The following KCNJ5 variants were observed in gnomAD, a reference collection of about 807,000 sequenced individuals.
The protein encoded by KCNJ5 is potassium inwardly rectifying channel subfamily J member 5, also known as G protein-activated inward rectifier potassium channel 4.
In KCNJ5, 12 loss-of-function variants were observed where a neutral mutation model predicts 20.2. The observed-to-expected ratio is 0.59, with a 90% CI of 0.38 to 0.96. KCNJ5 has a LOEUF of 0.96. Ranked by LOEUF, KCNJ5 falls within the 40% of genes least tolerant of loss-of-function variation. The pLI, the probability that KCNJ5 is intolerant of heterozygous loss-of-function variation, is 0.00. For missense variants in KCNJ5, 449 were observed against 557.6 expected (o/e 0.81, Z 1.96); for synonymous variants, 210 against 213.9 (o/e 0.98, Z 0.16).
chr11:128,902,328 C>T (rs556799288), intron 1 of KCNJ5: 101 of 604,360 alleles, frequency 1.7e-4, no homozygotes, highest in South Asian at 1.4e-3. Flanking sequence ...AAGGACTCAG[C>T]GCTTGCAGTC....
In KCNJ5 at chr11:128,903,454, G is replaced by A. The variant is rs1944328857; in HGVS notation, c.-10-7810G>A. 4 of 1,614,046 alleles carry A rather than the reference G, an allele frequency of 2.5e-6. No individual in the cohort carries two copies. In the East Asian group the frequency reaches 8.9e-5, roughly 36 times the overall value. ...TACTATGGCATGCACATCCTGCCCA[G>A]CTGAGAAATTCCAGAGTGAGGAGGT... On this transcript the variant is annotated intron_variant, in intron 1 of 2. Transcript: ENST00000529694.
intron 2 of KCNJ5, 95 bp from the exon 3 acceptor site, chr11:128,916,290 CTGGATGGATGGATGGATGGATAGA>C: frequency 2.5e-6 from 1 of 400,794 alleles, no homozygotes; most frequent in Non-Finnish European, 4.0e-6. Context: ...GAACAGATGA[CTGGATGGATGGATGGATGGATAGA>C]TGGATGGATG....
At chr11:128,902,692 A>C (rs1326879270) in intron 1 of KCNJ5, 1 of 1,612,064 alleles carries the variant, frequency 6.2e-7, no homozygotes, top group South Asian at 1.1e-5. Flanking sequence ...CTGAGGACTG[A>C]CAGGTAATGT....
chr11:128,909,451 G>A (rs547527273), intron 1 of KCNJ5, among the ~76,000 whole-genome samples: 5 of 152,250 alleles, frequency 3.3e-5, no homozygotes, highest in Non-Finnish European at 5.9e-5. Context: ...CATGTAGAGC[G>A]CTGCACTGGT....
At chr11:128,915,120 C>G (rs1591452882) in intron 2 of KCNJ5, among the ~76,000 whole-genome samples, 2 of 152,348 alleles carry the variant, frequency 1.3e-5, no homozygotes, top group East Asian at 3.9e-4. Flanking sequence ...GAGACGGTTG[C>G]CTTCAGCACC....
Position 128,917,405 on chromosome 11 carries a change from A to C in KCNJ5, c.*674A>C, listed in dbSNP as rs1052088680. ...TCGGTCTCATTAGAGTGACTCTTAG[A>C]AGGTGGCCTGGGACTAGACAGCCCC... is the stretch of plus-strand genomic sequence containing the variant. On this transcript the variant is annotated 3_prime_UTR_variant, in exon 3 of 3. Transcript: ENST00000529694. 2.6e-5 allele frequency: 4 copies of C among 152,442 alleles called. No homozygotes were observed. The highest frequency in any genetic ancestry group is 9.6e-5 in the African/African-American group (4 of 41,452). 9.4% of individuals were successfully genotyped at this position (152,442 alleles called of 1,614,324 possible). A position where few individuals can be genotyped will look rare whatever the true frequency, so the allele number is the denominator to read the frequency against.
In KCNJ5 at chr11:128,919,779, A is replaced by G. The variant is rs1341197633; in HGVS notation, c.*3048A>G. On this transcript the variant is annotated 3_prime_UTR_variant, in exon 3 of 3. Transcript: ENST00000529694. ...CACCTCCCAGGTTCAAGCGATTCTC[A>G]TGCTTCAGCCTCCTGAGTAGCTGGG... 1 of 152,206 alleles carries G rather than the reference A, an allele frequency of 6.6e-6. No individual in the cohort carries two copies. The highest frequency in any genetic ancestry group is 1.5e-5 in the Non-Finnish European group (1 of 68,110). The allele number at this position is 152,206 out of a possible 1,614,324, so 9.4% of individuals were successfully genotyped here.
chr11:128,913,532 C>T (rs1040632904), intron 2 of KCNJ5, among the ~76,000 whole-genome samples: 2 of 151,484 alleles, frequency 1.3e-5, no homozygotes, highest in Non-Finnish European at 2.9e-5. Context: ...CAAAACCCCA[C>T]ATCCTGCATA....
At chr11:128,912,320 C>T in intron 2 of KCNJ5, 110 bp downstream of exon 2, 1 of 832,516 alleles carries the variant, frequency 1.2e-6, no homozygotes, top group Non-Finnish European at 2.1e-6. Flanking sequence ...TGGGGTGGCG[C>T]AGGCAACACA....
At chr11:128,891,855 G>A (rs1944097366) in intron 1 of KCNJ5, 134 bp downstream of exon 1, 1 of 152,300 alleles carries the variant, frequency 6.6e-6, no homozygotes, top group Admixed American at 6.5e-5. Flanking sequence ...AGCCAGGGGG[G>A]ATAAGGAAAA....
intron 1 of KCNJ5, among the ~76,000 whole-genome samples, chr11:128,906,387 G>A (rs569007189): frequency 6.6e-6 from 1 of 152,286 alleles, no homozygotes; most frequent in Admixed American, 6.5e-5. Flanking sequence ...ATAGTGGCTG[G>A]AAACAGCACC....
chr11:128,897,607 G>A (rs1287627628), intron 1 of KCNJ5, among the ~76,000 whole-genome samples: 1 of 151,928 alleles, frequency 6.6e-6, no homozygotes, highest in African/African-American at 2.4e-5. Flanking sequence ...TTGTAATTTT[G>A]CCTTTTCATC....
Position 128,911,801 on chromosome 11 carries a change from C to T in KCNJ5, c.528C>T (p.Ser176=). ...ILLLVQAILG[S]IVNAFMVGCM... ...TCTTGGTCCAGGCCATCCTGGGCTC[C>T]ATCGTCAATGCCTTCATGGTGGGGT... Residue 176 remains serine, a synonymous_variant, in exon 2 of 3, where the codon TCC becomes TCT. Coordinates refer to ENST00000529694, the MANE Select transcript of KCNJ5 (RefSeq NM_000890.5). The surrounding 1 kb of genome is among the most constrained non-coding windows in gnomAD (Gnocchi z 6.3). The T allele has an allele frequency of 6.2e-7, 1 of 1,614,190 alleles. No homozygotes were observed. The highest frequency in any genetic ancestry group is 1.1e-5 in the South Asian group (1 of 91,086).
chr11:128,915,415 T>A (rs1017304312), intron 2 of KCNJ5, among the ~76,000 whole-genome samples: 11 of 152,198 alleles, frequency 7.2e-5, no homozygotes, highest in Non-Finnish European at 1.3e-4. Context: ...TCTCTCCGTA[T>A]GTGTCCGCCC....
At chr11:128,910,571 A>G (rs996468666) in intron 1 of KCNJ5, among the ~76,000 whole-genome samples, 1 of 152,218 alleles carries the variant, frequency 6.6e-6, no homozygotes, top group African/African-American at 2.4e-5. Context: ...GGGCCAGATG[A>G]GCAGGAATCC....
Position 128,891,441 on chromosome 11 carries a change from C to CACACAGAGAG in KCNJ5, c.-290_-289insCACAGAGAGA, listed in dbSNP as rs1160699929. 1.8e-5 allele frequency: 1 copy of CACACAGAGAG among 54,936 alleles called. No homozygotes were observed. The highest frequency in any genetic ancestry group is 3.4e-5 in the Non-Finnish European group (1 of 29,494). 3.4% of individuals were successfully genotyped at this position (54,936 alleles called of 1,614,324 possible). On this transcript the variant is annotated 5_prime_UTR_variant, in exon 1 of 3. Transcript: ENST00000529694. The stretch of plus-strand genomic sequence containing the variant: ...ACACACACACACACACACACACACA[C>CACACAGAGAG]AGAGAGAGAGAGAGAGAGAGAGAGA...
In KCNJ5 at chr11:128,891,397, GACACACACACACAC is replaced by G. The variant is rs113761140; in HGVS notation, c.-303_-290del. On this transcript the variant is annotated 5_prime_UTR_variant, in exon 1 of 3. Coordinates refer to ENST00000529694, the MANE Select transcript of KCNJ5 (RefSeq NM_000890.5). ...GAGGGAGAGAGGAGAGGGAGGAGGG[GACACACACACACAC>G]ACACACACACACACACACACACACA... 8.4e-3 allele frequency: 715 copies of G among 85,496 alleles called. 23 individuals carry two copies. The highest frequency in any genetic ancestry group is 9.3e-3 in the Non-Finnish European group (433 of 46,542). The allele number at this position is 85,496 out of a possible 1,614,324, so 5.3% of individuals were successfully genotyped here.
intron 1 of KCNJ5, chr11:128,901,852 G>C (rs908087220): frequency 6.6e-6 from 1 of 152,556 alleles, no homozygotes; most frequent in African/African-American, 2.4e-5. Context: ...GCTCCCTTCC[G>C]CAGAGTGCTT....
chr11:128,905,200 C>A (rs1014251994), intron 1 of KCNJ5, among the ~76,000 whole-genome samples: 2 of 152,314 alleles, frequency 1.3e-5, no homozygotes, highest in African/African-American at 4.8e-5. Context: ...CAACGGCCTC[C>A]CCACGCCCGT....
Sources: gnomAD v4.1 joint callset for allele counts (sites outside exome capture counted in the v4.1 genomes callset) on GRCh38, gnomAD v4.1.1 for gene constraint, Gnocchi (gnomAD v3.1) non-coding constraint, MANE v1.5 for transcripts, NCBI Gene and HGNC (gene_info 2026-07-23, HGNC 2026-07-21) for gene names.